Variants in PDE4D observed in about 807,000 individuals in gnomAD.
PDE4D encodes the protein 3',5'-cyclic-AMP phosphodiesterase 4D.
PDE4D carries 24 observed loss-of-function variants against 87.4 expected under a neutral mutation model. The observed-to-expected ratio is 0.27, with a 90% CI of 0.20 to 0.39. The LOEUF is 0.39. Among genes scored for constraint, PDE4D ranks in the 10% least tolerant of loss-of-function variants. The pLI is 1.00. For missense variants in PDE4D, 714 were observed against 1,041.0 expected, an observed-to-expected ratio of 0.69 and a Z score of 4.32; for synonymous variants, 384 against 383.2, an observed-to-expected ratio of 1.00 and a Z score of -0.02.
At chr5:59,819,831 G>A (rs759447608) in intron 1 of PDE4D, among the ~76,000 whole-genome samples, 15 of 152,208 alleles carry the variant, frequency 9.9e-5, no homozygotes, top group Non-Finnish European at 1.9e-4. Context: ...AAGTTTTCAG[G>A]CAAGCGTGTG....
chr5:59,039,416 A>G, intron 5 of PDE4D: 3 of 995,014 alleles, frequency 3.0e-6, no homozygotes, highest in Non-Finnish European at 3.6e-6. Flanking sequence ...TCGGTCCCCA[A>G]CCCGGAGCCG....
intron 3 of PDE4D, among the ~76,000 whole-genome samples, chr5:59,938,852 T>G (rs1756888982): frequency 6.6e-6 from 1 of 152,214 alleles, no homozygotes; most frequent in Non-Finnish European, 1.5e-5. Flanking sequence ...AGCTCTACAT[T>G]AAAATGTCAG....
intron 1 of PDE4D, among the ~76,000 whole-genome samples, chr5:59,412,985 C>T (rs1319747602): frequency 6.9e-6 from 1 of 145,190 alleles, no homozygotes; most frequent in African/African-American, 2.7e-5. Context: ...TTAAACTTGT[C>T]TATCTTTTGT....
At chr5:59,207,991 C>G (rs1749181948) in intron 2 of PDE4D, among the ~76,000 whole-genome samples, 1 of 147,982 alleles carries the variant, frequency 6.8e-6, no homozygotes, top group African/African-American at 2.6e-5. Context: ...AACCCCATCT[C>G]TACTAAAAGT....
At chr5:59,917,804 A>G (rs1754232300) in intron 3 of PDE4D, among the ~76,000 whole-genome samples, 1 of 152,146 alleles carries the variant, frequency 6.6e-6, no homozygotes. Context: ...ACCATTTGTA[A>G]ACATTTAATA....
intron 1 of PDE4D, among the ~76,000 whole-genome samples, chr5:59,873,322 A>G (rs1748099433): frequency 6.6e-6 from 1 of 152,238 alleles, no homozygotes; most frequent in South Asian, 2.1e-4. Context: ...TGGTAGTCAC[A>G]TGGAATCAGC....
intron 1 of PDE4D, among the ~76,000 whole-genome samples, chr5:60,474,145 T>TATATATATATATAC (rs1748117707): frequency 1.0e-5 from 1 of 98,544 alleles, no homozygotes; most frequent in Non-Finnish European, 1.8e-5. Flanking sequence ...TATATATATA[T>TATATATATATATAC]ATATAACAAA....
intron 1 of PDE4D, among the ~76,000 whole-genome samples, chr5:60,304,673 AAG>A (rs1302627456): frequency 4.1e-5 from 6 of 146,374 alleles, no homozygotes; most frequent in Non-Finnish European, 9.0e-5. Flanking sequence ...AAAAAAAAAA[AAG>A]AAATGGAGAG....
At chr5:60,326,593 C>T (rs1756816721) in intron 1 of PDE4D, among the ~76,000 whole-genome samples, 1 of 151,996 alleles carries the variant, frequency 6.6e-6, no homozygotes, top group African/African-American at 2.4e-5. Context: ...TGAAACATTC[C>T]ATCAGGTACA....
intron 1 of PDE4D, among the ~76,000 whole-genome samples, chr5:60,273,284 A>G (rs909878315): frequency 6.6e-6 from 1 of 152,136 alleles, no homozygotes; most frequent in South Asian, 2.1e-4. Flanking sequence ...GGCAAATGGG[A>G]GAATGGAAAG....
chr5:59,611,365 G>T (rs1488709184), intron 1 of PDE4D, among the ~76,000 whole-genome samples: 1 of 152,078 alleles, frequency 6.6e-6, no homozygotes, highest in African/African-American at 2.4e-5. Context: ...CTAATACCAT[G>T]ATATTGGGGG....
At chr5:60,092,016 G>A (rs76601207) in intron 2 of PDE4D, among the ~76,000 whole-genome samples, 19,383 of 128,300 alleles carry the variant, frequency 0.15, 1,386 homozygotes, top group Middle Eastern at 0.31. Context: ...GCGCCACTGC[G>A]CTCCAGCCTG....
intron 1 of PDE4D, among the ~76,000 whole-genome samples, chr5:60,268,886 G>C (rs1257184948): frequency 6.6e-6 from 1 of 152,130 alleles, no homozygotes; most frequent in East Asian, 1.9e-4. Context: ...ATCATTAGAG[G>C]AAGTTTTTCT....
At chr5:60,239,705 G>A (rs535101568) in intron 1 of PDE4D, among the ~76,000 whole-genome samples, 1 of 151,942 alleles carries the variant, frequency 6.6e-6, no homozygotes, top group Non-Finnish European at 1.5e-5. Context: ...CATGGTATCT[G>A]CTTTTAAACT....
intron 1 of PDE4D, among the ~76,000 whole-genome samples, chr5:59,843,439 T>C (rs1293704276): frequency 6.6e-6 from 1 of 151,502 alleles, no homozygotes; most frequent in African/African-American, 2.4e-5. Context: ...CCTACCCTAC[T>C]CCCCCCCAGA....
chr5:59,503,430 G>C (rs1808680804), intron 1 of PDE4D, among the ~76,000 whole-genome samples: 1 of 152,154 alleles, frequency 6.6e-6, no homozygotes, highest in African/African-American at 2.4e-5. Flanking sequence ...AGAATACACA[G>C]TACAGTGGTG....
intron 5 of PDE4D, among the ~76,000 whole-genome samples, chr5:59,098,819 T>C (rs1770239066): frequency 6.6e-6 from 1 of 152,134 alleles, no homozygotes; most frequent in Non-Finnish European, 1.5e-5. Context: ...ATTATCTTTC[T>C]GATCCACCAT....
chr5:59,406,270 G>A (rs1791598557), intron 1 of PDE4D, among the ~76,000 whole-genome samples: 1 of 152,004 alleles, frequency 6.6e-6, no homozygotes, highest in Admixed American at 6.6e-5. Flanking sequence ...ATTTGTCTAG[G>A]AATTTATCAT....
rs140727889 is a variant in PDE4D, at chr5:60,319,676, T to C, written c.-89-133989A>G. Among the ~76,000 whole-genome samples the C allele has an allele frequency of 2.4e-3, 371 of 152,368 alleles. 1 individual carries two copies. The highest frequency in any genetic ancestry group is 8.6e-3 in the African/African-American group (357 of 41,592). On this transcript the variant is annotated intron_variant, in intron 1 of 16. Transcript: ENST00000502484. ...ATGAGGTTTTGGTGTGGATGTCCTT[T>C]CTGTTTGTTAGTTTTCCTTCTAACA...
Sources: allele counts gnomAD v4.1 joint callset (sites outside exome capture counted in the v4.1 genomes callset), GRCh38; gene constraint gnomAD v4.1.1; transcripts MANE v1.5; gene names NCBI Gene and HGNC (gene_info 2026-07-23, HGNC 2026-07-21).